KIAA1549L: variants seen among roughly 807,000 people sequenced by gnomAD.
The protein encoded by KIAA1549L is UPF0606 protein KIAA1549L.
Under a neutral mutation model 160.7 loss-of-function variants are expected in KIAA1549L, and 88 were observed. The ratio of observed to expected loss-of-function variants is 0.55; its 90% CI spans 0.46 to 0.65. KIAA1549L has a LOEUF of 0.65. Among genes scored for constraint, KIAA1549L ranks in the 30% least tolerant of loss-of-function variants. KIAA1549L has a pLI of 0.00. For synonymous variants in KIAA1549L, 950 were observed against 976.7 expected (o/e 0.97, Z 0.51); for missense variants, 2,258 against 2,437.5 (o/e 0.93, Z 1.55).
intron 1 of KIAA1549L, among the ~76,000 whole-genome samples, chr11:33,514,827 G>A (rs545343602): frequency 6.6e-6 from 1 of 152,278 alleles, no homozygotes; most frequent in African/African-American, 2.4e-5. Context: ...TGAAATGCAT[G>A]GTAATAATAT....
At chr11:33,560,683 A>T (rs1854825037) in intron 7 of KIAA1549L, among the ~76,000 whole-genome samples, 2 of 152,354 alleles carry the variant, frequency 1.3e-5, no homozygotes, top group South Asian at 4.1e-4. Flanking sequence ...AAATTTAAAC[A>T]TTCTTACATT....
intron 1 of KIAA1549L, among the ~76,000 whole-genome samples, chr11:33,495,734 G>C (rs1219808780): frequency 6.6e-6 from 1 of 151,988 alleles, no homozygotes; most frequent in Non-Finnish European, 1.5e-5. Flanking sequence ...CTAGTTTACA[G>C]TCCCACCAAC....
intron 1 of KIAA1549L, among the ~76,000 whole-genome samples, chr11:33,420,560 T>C (rs182118228): frequency 2.0e-5 from 3 of 152,284 alleles, no homozygotes; most frequent in Admixed American, 2.0e-4. Context: ...TAAGCTGTTC[T>C]GAAGAAGTTG....
chr11:33,647,767 T>C (rs1375993416), intron 17 of KIAA1549L, among the ~76,000 whole-genome samples: 1 of 128,758 alleles, frequency 7.8e-6, no homozygotes, highest in Non-Finnish European at 1.6e-5. Flanking sequence ...ATAGCCATCG[T>C]ATCTCAATTT....
chr11:33,526,174 T>A (rs1478112784), intron 1 of KIAA1549L, among the ~76,000 whole-genome samples: 1 of 152,312 alleles, frequency 6.6e-6, no homozygotes, highest in East Asian at 1.9e-4. Context: ...CTGCAGCTTA[T>A]GCTCTCTTGA....
rs375058535 is a variant in KIAA1549L at position 33,591,408 on chromosome 11, G to A, written c.4738G>A (p.Glu1580Lys). 372 of 1,603,778 alleles carry A rather than the reference G, an allele frequency of 2.3e-4. No individual in the cohort carries two copies. The highest frequency in any genetic ancestry group is 3.1e-4 in the Non-Finnish European group (359 of 1,172,318). Residue 1580 changes from glutamate (E) to lysine (K), a missense_variant, in exon 12 of 21, where the codon GAA becomes AAA. Physicochemically the swap from Glu to Lys is moderately conservative, Grantham distance 56. Transcript: ENST00000658780. ...GSTIKTAKST[E>K]TRKSRSPSEN... ...CACCATCAAGACCGCCAAATCCACT[G>A]AAACCAGGAAGAGGTAGGCACGGGG...
chr11:33,456,585 A>AT (rs1467260776), intron 1 of KIAA1549L, among the ~76,000 whole-genome samples: 5 of 151,656 alleles, frequency 3.3e-5, no homozygotes, highest in East Asian at 1.9e-4. Context: ...CAATTTTCAT[A>AT]TTTTTTTGTA....
intron 1 of KIAA1549L, among the ~76,000 whole-genome samples, chr11:33,430,041 T>TCCTCCCTTCCTCCCTTCCTC (rs1554976198): frequency 7.1e-6 from 1 of 140,388 alleles, no homozygotes; most frequent in Non-Finnish European, 1.5e-5. Flanking sequence ...CTTCCTTCCT[T>TCCTCCCTTCCTCCCTTCCTC]CCTTCCTCCC....
At chr11:33,466,254 A>G (rs961113728) in intron 1 of KIAA1549L, among the ~76,000 whole-genome samples, 15 of 152,204 alleles carry the variant, frequency 9.9e-5, no homozygotes, top group African/African-American at 3.4e-4. Flanking sequence ...GAATCTACAA[A>G]GAACTTAAAC....
At chr11:33,607,733 G>A (rs149109502) in intron 14 of KIAA1549L, among the ~76,000 whole-genome samples, 7 of 152,206 alleles carry the variant, frequency 4.6e-5, no homozygotes, top group African/African-American at 1.7e-4. Context: ...ACATGCTATG[G>A]CCCTACAAAA....
intron 11 of KIAA1549L, among the ~76,000 whole-genome samples, chr11:33,586,926 G>A (rs1299409627): frequency 6.6e-6 from 1 of 152,086 alleles, no homozygotes; most frequent in Non-Finnish European, 1.5e-5. Context: ...TATCAAATGA[G>A]GCTGAAACTG....
At chr11:33,423,573 G>A (rs1851061126) in intron 1 of KIAA1549L, among the ~76,000 whole-genome samples, 1 of 152,190 alleles carries the variant, frequency 6.6e-6, no homozygotes, top group African/African-American at 2.4e-5. Context: ...TTCTCATTTT[G>A]CTCAGCTTAC....
intron 1 of KIAA1549L, among the ~76,000 whole-genome samples, chr11:33,379,436 A>G (rs749215860): frequency 2.6e-5 from 4 of 152,072 alleles, no homozygotes; most frequent in Non-Finnish European, 5.9e-5. Context: ...TCCAGTCAGT[A>G]AGCTCTGTTT....
chr11:33,585,612 C>A (rs1855788449), intron 11 of KIAA1549L, among the ~76,000 whole-genome samples: 1 of 152,178 alleles, frequency 6.6e-6, no homozygotes, highest in Non-Finnish European at 1.5e-5. Context: ...ATGGTAATAA[C>A]CAGAATCTAA....
intron 1 of KIAA1549L, among the ~76,000 whole-genome samples, chr11:33,447,623 G>GCACACACACACA (rs56839961): frequency 0.019 from 2,741 of 147,306 alleles, 22 homozygotes; most frequent in African/African-American, 0.032. Flanking sequence ...ACATGAACTT[G>GCACACACACACA]CACACACACA....
chr11:33,610,485 T>C (rs868594698), intron 15 of KIAA1549L, among the ~76,000 whole-genome samples: 1 of 152,230 alleles, frequency 6.6e-6, no homozygotes, highest in Non-Finnish European at 1.5e-5. Context: ...TTAGGTACCA[T>C]TCAAGATGCT....
intron 1 of KIAA1549L, among the ~76,000 whole-genome samples, chr11:33,505,644 G>A (rs1165461654): frequency 6.6e-6 from 1 of 152,068 alleles, no homozygotes; most frequent in Non-Finnish European, 1.5e-5. Flanking sequence ...GTTGTTTCTG[G>A]TCTGAGCAAA....
In KIAA1549L at chr11:33,646,051, C is replaced by T. The variant is rs760125389; in HGVS notation, c.5760+15C>T. 5 of 1,523,202 alleles carry T rather than the reference C, an allele frequency of 3.3e-6. No individual in the cohort carries two copies. The South Asian group carries it at 3.7e-5, about 11-fold the overall frequency. 94.4% of individuals were successfully genotyped at this position (1,523,202 alleles called of 1,614,324 possible). ...TGCCCCGGCCGGTAAGTCATTCATT[C>T]CACCCACCTGCCATCATCTGGTCAG... On this transcript the variant is annotated intron_variant, in intron 17 of 20. Transcript: ENST00000658780.
intron 1 of KIAA1549L, among the ~76,000 whole-genome samples, chr11:33,383,982 G>A (rs986719819): frequency 3.9e-5 from 6 of 152,176 alleles, no homozygotes; most frequent in Non-Finnish European, 7.3e-5. Context: ...TTATTAAGGT[G>A]TAATTTACAT....
Sources: allele counts gnomAD v4.1 joint callset (sites outside exome capture counted in the v4.1 genomes callset), GRCh38; gene constraint gnomAD v4.1.1; transcripts MANE v1.5; gene names NCBI Gene and HGNC (gene_info 2026-07-23, HGNC 2026-07-21).